SLC34A3: variants seen among roughly 807,000 people sequenced by gnomAD.
SLC34A3 encodes sodium-dependent phosphate transport protein 2C.
Under a neutral mutation model 43.9 loss-of-function variants are expected in SLC34A3, and 60 were observed. The ratio of observed to expected loss-of-function variants is 1.37; its 90% confidence interval spans 1.11 to 1.70. The LOEUF is 1.70. Among genes scored for constraint, SLC34A3 ranks in the 40% most tolerant of loss-of-function variants. SLC34A3 has a pLI of 0.00. For synonymous variants in SLC34A3, 451 were observed against 386.2 expected, an observed-to-expected ratio of 1.17 and a Z score of -1.97; for missense variants, 969 against 823.8, an observed-to-expected ratio of 1.18 and a Z score of -2.16.
chr9:137,230,410 G>A (rs557301754), upstream of SLC34A3, among the ~76,000 whole-genome samples: 77 of 152,282 alleles, frequency 5.1e-4, no homozygotes, highest in African/African-American at 1.7e-3. Context: ...CCCCGGCTAC[G>A]TGAAAAAGCC....
rs747003226 is a variant in SLC34A3, at chr9:137,234,052, G to A, written c.926-57G>A. Reference sequence around the variant, plus strand: ...GCGGACAGGCTGCCCTGTGAGGCCCGGCCCACCCCGGCCCACCCCCCAGGC... The same window carrying A: ...GCGGACAGGCTGCCCTGTGAGGCCCAGCCCACCCCGGCCCACCCCCCAGGC... On this transcript the variant is annotated intron_variant, in intron 9 of 12. Transcript: ENST00000673835. This position sits in a 1 kb window ranked among gnomAD's most constrained non-coding sequence, Gnocchi z 6.9. 3.8e-5 allele frequency: 50 copies of A among 1,307,604 alleles called. No homozygotes were observed. Among genetic ancestry groups the A allele is most frequent in the African/African-American group, 1.1e-4 (7 of 64,220 alleles). The allele number at this position is 1,307,604 out of a possible 1,614,324, so 81.0% of individuals were successfully genotyped here. A position where few individuals can be genotyped will look rare whatever the true frequency, so the allele number is the denominator to read the frequency against.
chr9:137,234,479 C>A lies in SLC34A3; in HGVS notation c.1157C>A (p.Thr386Asn). 1 of 1,602,156 alleles carries A rather than the reference C, an allele frequency of 6.2e-7. No individual in the cohort carries two copies. The highest frequency in any genetic ancestry group is 2.2e-5 in the East Asian group (1 of 44,850). ...GCCGTCCTCGCGGGCGCCGGCCTGA[C>A]CTTCGCACTGCAGAGCAGCAGCGTC... Reference protein sequence around the residue: ...YLAVLAGAGLTFALQSSSVFT... With the variant: ...YLAVLAGAGLNFALQSSSVFT... Residue 386 changes from threonine to asparagine, a missense_variant, in exon 11 of 13, where the codon ACC (threonine) becomes AAC (asparagine). By Grantham distance (65) the Thr-to-Asn change is moderately conservative. Transcript: ENST00000673835. The surrounding 1 kb of genome is among the most constrained non-coding windows in gnomAD (Gnocchi z 6.9).
intron 6 of SLC34A3, 35 bp from the exon 7 acceptor site, chr9:137,233,174 C>T: frequency 6.4e-7 from 1 of 1,557,898 alleles, no homozygotes; most frequent in East Asian, 2.4e-5. Context: ...GCCCGGGCCC[C>T]CCCACCTGAC....
At chr9:137,233,779 T>TTGCCCCCCCCCCCCCCCCCCCCCC in intron 8 of SLC34A3, 57 bp downstream of exon 8, 3 of 1,445,794 alleles carry the variant, frequency 2.1e-6, no homozygotes, top group Admixed American at 1.8e-5. Context: ...TGCTGAGTCA[T>TTGCCCCCCCCCCCCCCCCCCCCCC]CCCGCCCCAC....
chr9:137,236,491 C>CTGGT lies in SLC34A3; in HGVS notation c.*75_*76insTGGT. On this transcript the variant is annotated 3_prime_UTR_variant, in exon 13 of 13. Coordinates refer to ENST00000673835, the MANE Select transcript of SLC34A3 (RefSeq NM_001177316.2). ...TGGAGGGCCCTGGAGGGGGGGTCCC[C>CTGGT]GCGGCAGCTGACCTCCGGTCACCTG... The CTGGT allele has an allele frequency of 1.3e-5, 17 of 1,295,704 alleles. No homozygotes were observed. Among genetic ancestry groups the CTGGT allele is most frequent in the Admixed American group, 2.0e-5 (1 of 50,558 alleles). 80.3% of individuals were successfully genotyped at this position (1,295,704 alleles called of 1,614,324 possible).
rs1429203844 is a variant in SLC34A3, at chr9:137,236,093, C to A, written c.1477C>A (p.Leu493Met). ...CCGCTGGGTGGCTGGGGTCTACCTG[C>A]TGCTCGGATTCCTGCTGCTGCCCCT... ...RYRWVAGVYLLLGFLLLPLAA... is the reference protein window; with the variant it reads ...RYRWVAGVYLMLGFLLLPLAA... Residue 493 changes from leucine to methionine, a missense_variant, in exon 13 of 13, where the codon CTG becomes ATG. Physicochemically the swap from Leu to Met is conservative, Grantham distance 15. Transcript: ENST00000673835. 1 of 1,612,242 alleles carries A rather than the reference C, an allele frequency of 6.2e-7. No homozygotes were observed. The highest frequency in any genetic ancestry group is 1.7e-5 in the Admixed American group (1 of 60,010).
Position 137,233,019 on chromosome 9 carries a change from T to TG in SLC34A3, c.465dup (p.Ser156ValfsTer29). The TG allele has an allele frequency of 6.2e-7, 1 of 1,611,694 alleles. No homozygotes were observed. The highest frequency in any genetic ancestry group is 8.5e-7 in the Non-Finnish European group (1 of 1,179,756). On this transcript the variant is annotated frameshift_variant, in exon 6 of 13. Coordinates refer to ENST00000673835, the MANE Select transcript of SLC34A3 (RefSeq NM_001177316.2). LOFTEE classifies it high-confidence loss of function. ...CCACCAGCAGTGCTGACTGTCCGGG[T>TG]GTCTGTGCCCATCATCATGGGTGTC...
intron 3 of SLC34A3, 51 bp from the exon 4 acceptor site, chr9:137,232,524 G>A: frequency 1.2e-6 from 2 of 1,606,988 alleles, no homozygotes; most frequent in Non-Finnish European, 1.7e-6. Flanking sequence ...CTGGGAGGGA[G>A]ACCTGTCAGG....
rs199973849 is a variant in SLC34A3, at chr9:137,234,567, G to C, written c.1210+35G>C. 1 of 1,610,044 alleles carries C rather than the reference G, an allele frequency of 6.2e-7. No homozygotes were observed. The highest frequency in any genetic ancestry group is 2.2e-5 in the East Asian group (1 of 44,804). On this transcript the variant is annotated intron_variant, in intron 11 of 12. Coordinates refer to ENST00000673835, the MANE Select transcript of SLC34A3 (RefSeq NM_001177316.2). The surrounding 1 kb of genome is among the most constrained non-coding windows in gnomAD (Gnocchi z 6.9). ...CAGGACAGAGGCCTCGGGAACGGGG[G>C]CTCGGGCTGGGGTCCTGTGGTGACT...
Position 137,233,312 on chromosome 9 carries a change from C to T in SLC34A3, c.664C>T (p.Leu222=), listed in dbSNP as rs761961841. 2.5e-6 allele frequency: 4 copies of T among 1,599,298 alleles called. No homozygotes were observed. In the South Asian group the frequency reaches 4.5e-5, roughly 18 times the overall value. ...ATALLERLSE[L]ALGAASLTPR... is the part of the protein sequence containing the mutation. ...GGCCCTGCTGGAGAGGCTAAGTGAG[C>T]TAGCCCTGGGTGCCGCCAGCCTGAC... is the stretch of plus-strand genomic sequence containing the variant. The change falls in exon 7 of 13, where the codon CTA becomes TTA. Residue 222 remains leucine (L), a synonymous_variant. Transcript: ENST00000673835.
At chr9:137,233,779 T>TTGGGCCCCCCCCCCCCCCCCCCCCCCCCC in intron 8 of SLC34A3, 57 bp downstream of exon 8, 2 of 1,445,776 alleles carry the variant, frequency 1.4e-6, no homozygotes, top group Non-Finnish European at 1.9e-6. Flanking sequence ...TGCTGAGTCA[T>TTGGGCCCCCCCCCCCCCCCCCCCCCCCCC]CCCGCCCCAC....
In SLC34A3 at chr9:137,233,913, C is replaced by T; in HGVS notation, c.897C>T (p.Asn299=). 1 of 1,587,892 alleles carries T rather than the reference C, an allele frequency of 6.3e-7. No homozygotes were observed. Among genetic ancestry groups the T allele is most frequent in the South Asian group, 1.2e-5 (1 of 86,348 alleles). Residue 299 remains asparagine (N), a synonymous_variant, in exon 9 of 13, where the codon AAC becomes AAT. Coordinates refer to ENST00000673835, the MANE Select transcript of SLC34A3 (RefSeq NM_001177316.2). ...CGAFGPCTEK[N]STAPADRLPC... The stretch of plus-strand genomic sequence containing the variant: ...CCTTCGGCCCGTGCACAGAGAAGAA[C>T]AGCACAGCCCCGGCGGACAGGCTGC...
In SLC34A3 at chr9:137,233,992, C is replaced by A. The variant is rs892245796; in HGVS notation, c.925+51C>A. 2.8e-5 allele frequency: 42 copies of A among 1,491,268 alleles called. No homozygotes were observed. Among genetic ancestry groups the A allele is most frequent in the Non-Finnish European group, 3.4e-5 (38 of 1,109,674 alleles). The allele number at this position is 1,491,268 out of a possible 1,614,324, so 92.4% of individuals were successfully genotyped here. ...CCTACACCCCCCACACTCCCCCTCACCGGCCCCTACATGGAGAGGAACAGC... is the reference window on the plus strand; with the variant it reads ...CCTACACCCCCCACACTCCCCCTCAACGGCCCCTACATGGAGAGGAACAGC... On this transcript the variant is annotated intron_variant, in intron 9 of 12. Transcript: ENST00000673835.
Position 137,230,956 on chromosome 9 carries a change from C to G in SLC34A3, c.-40+18C>G, listed in dbSNP as rs1235325066. 1 of 152,528 alleles carries G rather than the reference C, an allele frequency of 6.6e-6. No individual in the cohort carries two copies. The highest frequency in any genetic ancestry group is 2.4e-5 in the African/African-American group (1 of 41,454). 9.4% of individuals were successfully genotyped at this position (152,528 alleles called of 1,614,324 possible). A position where few individuals can be genotyped will look rare whatever the true frequency, so the allele number is the denominator to read the frequency against. On this transcript the variant is annotated intron_variant, in intron 1 of 12. Coordinates refer to ENST00000673835, the MANE Select transcript of SLC34A3 (RefSeq NM_001177316.2). ...CCACACAGGTAGGAGCTCCTAGGACCAGGCTGAGGCCCAGGGACAGTGAGG... is the reference window on the plus strand; with the variant it reads ...CCACACAGGTAGGAGCTCCTAGGACGAGGCTGAGGCCCAGGGACAGTGAGG...
At position 137,236,353 on chromosome 9, in the gene SLC34A3, G is replaced by A. The variant is rs1588853540; in HGVS notation, c.1737G>A (p.Lys579=). Residue 579 remains lysine, a synonymous_variant, in exon 13 of 13, where the codon AAG becomes AAA. Transcript: ENST00000673835. ...CCPCNVCSPP[K]ATTKEAYCYE... ...CCTGCAACGTCTGCAGCCCCCCGAAGGCCACCACCAAAGAGGCCTACTGCT... is the reference window on the plus strand; with the variant it reads ...CCTGCAACGTCTGCAGCCCCCCGAAAGCCACCACCAAAGAGGCCTACTGCT... 9 of 1,540,886 alleles carry A rather than the reference G, an allele frequency of 5.8e-6. No homozygotes were observed. Among genetic ancestry groups the A allele is most frequent in the Non-Finnish European group, 7.8e-6 (9 of 1,146,774 alleles).
Position 137,232,849 on chromosome 9 carries a change from A to C in SLC34A3, c.370A>C (p.Ile124Leu), listed in dbSNP as rs779558204. 6 of 1,612,418 alleles carry C rather than the reference A, an allele frequency of 3.7e-6. No individual in the cohort carries two copies. The highest frequency in any genetic ancestry group is 5.1e-6 in the Non-Finnish European group (6 of 1,179,758). Residue 124 changes from isoleucine (I) to leucine (L), a missense_variant, in exon 5 of 13, where the codon ATT becomes CTT. Transcript: ENST00000673835. ...GTCCAACCCTGTGGCTGGACTGGTC[A>C]TTGGCGTGCTGGTCACAGCCCTGGT... ...VLSNPVAGLV[I>L]GVLVTALVQS...
intron 12 of SLC34A3, among the ~76,000 whole-genome samples, chr9:137,235,361 C>T (rs377374708): frequency 3.9e-5 from 6 of 152,300 alleles, no homozygotes; most frequent in Admixed American, 6.5e-5. Context: ...GCTGCACCGC[C>T]GCTGACAGGA....
intron 7 of SLC34A3, 89 bp downstream of exon 7, chr9:137,233,493 G>C: frequency 1.9e-6 from 3 of 1,578,556 alleles, no homozygotes; most frequent in Non-Finnish European, 2.6e-6. Context: ...GAGGGTCAGC[G>C]GAGGGTCTGG....
chr9:137,235,865 C>A, intron 12 of SLC34A3, 87 bp from the exon 13 acceptor site: 1 of 1,228,796 alleles, frequency 8.1e-7, no homozygotes, highest in Non-Finnish European at 1.2e-6. Flanking sequence ...GGCGCTCCTT[C>A]TGTAGGGTGG....
Sources: gnomAD v4.1 joint callset for allele counts (sites outside exome capture counted in the v4.1 genomes callset) on GRCh38, gnomAD v4.1.1 for gene constraint, Gnocchi (gnomAD v3.1) non-coding constraint, MANE v1.5 for transcripts, NCBI Gene and HGNC (gene_info 2026-07-23, HGNC 2026-07-21) for gene names.